The following CCDC62 variants were observed in gnomAD, a reference collection of about 807,000 sequenced individuals.
CCDC62 encodes coiled-coil domain containing 62.
Under a neutral mutation model 80.8 loss-of-function variants are expected in CCDC62, and 72 were observed. The observed-to-expected ratio is 0.89, with a 90% CI of 0.74 to 1.08. The LOEUF is 1.08. CCDC62 is among the 50% of genes least tolerant of loss of function. CCDC62 has a pLI of 0.00. For missense variants in CCDC62, 704 were observed against 809.4 expected (o/e 0.87, Z 1.58); for synonymous variants, 286 against 296.5 (o/e 0.96, Z 0.36).
At position 122,813,317 on chromosome 12, in the gene CCDC62, G is replaced by T. The variant is rs1331968847; in HGVS notation, c.1899G>T (p.Lys633Asn). The T allele has an allele frequency of 5.6e-6, 9 of 1,613,686 alleles. No homozygotes were observed. Among genetic ancestry groups the T allele is most frequent in the Non-Finnish European group, 5.9e-6 (7 of 1,179,856 alleles). The change falls in exon 11 of 13, where the codon AAG becomes AAT. Residue 633 changes from lysine (K) to asparagine (N), a missense_variant. Coordinates refer to ENST00000253079, the MANE Select transcript of CCDC62 (RefSeq NM_201435.5). ...AGGATGATTTCTCGCCCACGAGCAA[G>T]CTCCAGCGTTTGCTGGCGGAATCTC... Reference protein sequence around the residue: ...PSQDDFSPTSKLQRLLAESRQ... With the variant: ...PSQDDFSPTSNLQRLLAESRQ...
intron 8 of CCDC62, among the ~76,000 whole-genome samples, chr12:122,798,542 G>T (rs2031103538): frequency 6.6e-6 from 1 of 152,322 alleles, no homozygotes; most frequent in East Asian, 1.9e-4. Context: ...GGTGGAGGTT[G>T]CAGTGAGCCG....
At chr12:122,795,755 G>A (rs1293808545) in intron 6 of CCDC62, among the ~76,000 whole-genome samples, 1 of 152,166 alleles carries the variant, frequency 6.6e-6, no homozygotes, top group Admixed American at 6.6e-5. Flanking sequence ...ATAACTAGGA[G>A]TAAGGAGTTT....
chr12:122,781,639 C>T (rs1468880490), intron 3 of CCDC62, among the ~76,000 whole-genome samples: 6 of 150,720 alleles, frequency 4.0e-5, no homozygotes, highest in Admixed American at 6.6e-5. Flanking sequence ...GAGCCAAGAT[C>T]GCGCCATTGC....
intron 1 of CCDC62, 100 bp downstream of exon 1, chr12:122,774,806 C>A: frequency 2.1e-6 from 2 of 972,392 alleles, no homozygotes; most frequent in Non-Finnish European, 2.7e-6. Flanking sequence ...AAATGTGAAA[C>A]AGGCCGGGCG....
intron 4 of CCDC62, among the ~76,000 whole-genome samples, chr12:122,787,356 T>C (rs1280480136): frequency 7.1e-6 from 1 of 141,498 alleles, no homozygotes; most frequent in East Asian, 2.1e-4. Flanking sequence ...GAGGCTGGGG[T>C]GGGAGGATCC....
At position 122,794,680 on chromosome 12, in the gene CCDC62, A is replaced by G. The variant is rs569849987; in HGVS notation, c.772+2559A>G. On this transcript the variant is annotated intron_variant, in intron 6 of 12. Transcript: ENST00000253079. The stretch of plus-strand genomic sequence containing the variant: ...AAGAATTTATTTATTTAGTAGAGAC[A>G]GGGTCTTGCTCTGTTGCCCAGCCTG... 1.4e-4 allele frequency among the ~76,000 whole-genome samples: 22 copies of G among 152,074 alleles called. No homozygotes were observed. In the South Asian group the frequency reaches 4.1e-3, roughly 29 times the overall value.
chr12:122,795,315 T>A (rs12321100), intron 6 of CCDC62, among the ~76,000 whole-genome samples: 1 of 152,130 alleles, frequency 6.6e-6, no homozygotes, highest in Admixed American at 6.6e-5. Flanking sequence ...CCTCCCAAAG[T>A]GTTAGGATTA....
intron 3 of CCDC62, among the ~76,000 whole-genome samples, chr12:122,784,762 G>C (rs1482227591): frequency 6.6e-6 from 1 of 152,094 alleles, no homozygotes; most frequent in East Asian, 1.9e-4. Flanking sequence ...TTGAGCCCAG[G>C]AGTTCAAGGT....
intron 9 of CCDC62, among the ~76,000 whole-genome samples, chr12:122,805,209 T>C (rs1229296836): frequency 2.1e-5 from 3 of 141,122 alleles, no homozygotes; most frequent in African/African-American, 8.7e-5. Flanking sequence ...TTTTTTTTTT[T>C]GTGAGAATTA....
intron 2 of CCDC62, among the ~76,000 whole-genome samples, chr12:122,778,639 G>C (rs1879630079): frequency 6.6e-6 from 1 of 152,082 alleles, no homozygotes; most frequent in Non-Finnish European, 1.5e-5. Context: ...CAGCACTTTG[G>C]GAGGCTGAGG....
At chr12:122,796,238 T>C (rs2030953050) in intron 6 of CCDC62, among the ~76,000 whole-genome samples, 1 of 151,658 alleles carries the variant, frequency 6.6e-6, no homozygotes, top group South Asian at 2.1e-4. Flanking sequence ...CAGATATATT[T>C]AAAATTACTC....
At chr12:122,807,429 G>T (rs920857181) in intron 10 of CCDC62, among the ~76,000 whole-genome samples, 30 of 150,596 alleles carry the variant, frequency 2.0e-4, no homozygotes, top group African/African-American at 7.1e-4. Flanking sequence ...TACTTGGGAG[G>T]CTGAGGCGGG....
At chr12:122,814,301 AGAG>A (rs140225982) in intron 11 of CCDC62, among the ~76,000 whole-genome samples, 1 of 8,178 alleles carries the variant, frequency 1.2e-4, no homozygotes, top group African/African-American at 1.8e-4. Flanking sequence ...AAAAAAAAAA[AGAG>A]AGAGAGAAAG....
chr12:122,795,696 T>C (rs2030908636), intron 6 of CCDC62, among the ~76,000 whole-genome samples: 1 of 152,234 alleles, frequency 6.6e-6, no homozygotes, highest in South Asian at 2.1e-4. Flanking sequence ...AGTGCTGGGA[T>C]TACAGGCGTG....
intron 12 of CCDC62, among the ~76,000 whole-genome samples, chr12:122,824,882 T>C (rs1195283072): frequency 6.6e-6 from 1 of 151,904 alleles, no homozygotes; most frequent in South Asian, 2.1e-4. Context: ...GTCGGGAGTT[T>C]GAGACCAGCC....
intron 12 of CCDC62, among the ~76,000 whole-genome samples, chr12:122,824,567 A>C (rs1265816617): frequency 2.6e-5 from 4 of 152,220 alleles, no homozygotes; most frequent in Non-Finnish European, 5.9e-5. Flanking sequence ...GCTGGTGGGA[A>C]TGTAAACTAG....
intron 12 of CCDC62, among the ~76,000 whole-genome samples, chr12:122,824,245 G>T (rs1375576409): frequency 6.6e-6 from 1 of 151,702 alleles, no homozygotes; most frequent in Non-Finnish European, 1.5e-5. Flanking sequence ...GTGAAACCGC[G>T]TTTCTACTAA....
chr12:122,826,434 T>C lies in CCDC62; in HGVS notation c.*53T>C, dbSNP rs772436650. On this transcript the variant is annotated 3_prime_UTR_variant, in exon 13 of 13. Transcript: ENST00000253079. Reference sequence around the variant, plus strand: ...CATCCAAAAGCAGATTTCTCATCTATGTGGAAGGCAGAAAGCAGACACCAA... The same window carrying C: ...CATCCAAAAGCAGATTTCTCATCTACGTGGAAGGCAGAAAGCAGACACCAA... The C allele has an allele frequency of 1.3e-5, 10 of 780,364 alleles. No homozygotes were observed. The highest frequency in any genetic ancestry group is 2.2e-5 in the Non-Finnish European group (9 of 417,992). The allele number at this position is 780,364 out of a possible 1,614,324, so 48.3% of individuals were successfully genotyped here. A position where few individuals can be genotyped will look rare whatever the true frequency, so the allele number is the denominator to read the frequency against.
rs1019000897 is a variant in CCDC62, at chr12:122,788,812, A to T, written c.553A>T (p.Lys185Ter). Reference sequence around the variant, plus strand: ...CATTGCAGATTGTTCGGGTAAATTTAAAATGCTAGAGCATGCCCTACGTGA... The same window carrying T: ...CATTGCAGATTGTTCGGGTAAATTTTAAATGCTAGAGCATGCCCTACGTGA... ...NHIADCSGKF[K>*]MLEHALRDAK... The change falls in exon 5 of 13, where the codon AAA becomes TAA. Residue 185 changes from lysine (K) to a stop codon, truncating the protein, a stop_gained. Coordinates refer to ENST00000253079, the MANE Select transcript of CCDC62 (RefSeq NM_201435.5). LOFTEE classifies it high-confidence loss of function. 4.4e-6 allele frequency: 7 copies of T among 1,600,522 alleles called. No individual in the cohort carries two copies. The highest frequency in any genetic ancestry group is 5.1e-6 in the Non-Finnish European group (6 of 1,176,388).
Sources: allele counts gnomAD v4.1 joint callset (sites outside exome capture counted in the v4.1 genomes callset), GRCh38; gene constraint gnomAD v4.1.1; transcripts MANE v1.5; gene names NCBI Gene and HGNC (gene_info 2026-07-23, HGNC 2026-07-21).